The following ZFAT variants were observed in gnomAD, a reference collection of about 807,000 sequenced individuals.
ZFAT encodes zinc finger and AT-hook domain containing, also known as zinc finger protein ZFAT.
ZFAT carries 64 observed loss-of-function variants against 117.7 expected under a neutral mutation model. The ratio of observed to expected loss-of-function variants is 0.54; its 90% CI spans 0.44 to 0.67. The LOEUF (loss-of-function observed/expected upper bound fraction) is 0.67. ZFAT is among the 30% of genes least tolerant of loss of function. ZFAT has a pLI of 0.00. For missense variants in ZFAT, 1,433 were observed against 1,584.5 expected, an observed-to-expected ratio of 0.90 and a Z score of 1.62; for synonymous variants, 679 against 615.0, an observed-to-expected ratio of 1.10 and a Z score of -1.54.
rs752848073 is a variant in ZFAT, at chr8:134,649,165, T to TCACA, written c.196+8392_196+8395dup. On this transcript the variant is annotated intron_variant, in intron 2 of 15. Coordinates refer to ENST00000377838, the MANE Select transcript of ZFAT (RefSeq NM_020863.4). Reference sequence around the variant, plus strand: ...TAACCTAATGAAGAACATCTATCTCTCACACACACACACACACACACACAC... The same window carrying TCACA: ...TAACCTAATGAAGAACATCTATCTCTCACACACACACACACACACACACACACAC... Among the ~76,000 whole-genome samples, 107 of 77,052 alleles carry TCACA rather than the reference T, an allele frequency of 1.4e-3. 1 individual carries two copies. In the South Asian group the frequency reaches 0.016, roughly 12 times the overall value. 50.5% of individuals were successfully genotyped at this position (77,052 alleles called of 152,430 possible).
chr8:134,478,593 C>G lies in ZFAT; in HGVS notation c.3621G>C (p.Thr1207=), dbSNP rs61748832. 1 of 1,592,928 alleles carries G rather than the reference C, an allele frequency of 6.3e-7. No homozygotes were observed. Among genetic ancestry groups the G allele is most frequent in the Non-Finnish European group, 8.5e-7 (1 of 1,170,198 alleles). ...VSSDDVEGIE[T]VTVYTQGGEA... is the part of the protein sequence containing the mutation. ...CCCCGCCCTGCGTGTAGACAGTCAC[C>G]GTCTCAATGCCCTCCACGTCGTCGG... Residue 1207 remains threonine (T), a synonymous_variant, in exon 16 of 16, where the codon ACG becomes ACC. Transcript: ENST00000377838. The surrounding 1 kb of genome is among the most constrained non-coding windows in gnomAD (Gnocchi z 5.2).
the ZFAT span, among the ~76,000 whole-genome samples, chr8:134,763,660 G>A: frequency 6.6e-6 from 1 of 152,134 alleles, no homozygotes; most frequent in Non-Finnish European, 1.5e-5. Context: ...ATATCCTCGT[G>A]CCTAGAACAG....
intron 15 of ZFAT, among the ~76,000 whole-genome samples, chr8:134,480,212 T>G (rs971969001): frequency 6.6e-6 from 1 of 152,228 alleles, no homozygotes; most frequent in South Asian, 2.1e-4. Context: ...TCCACCCACC[T>G]TGGCCTCCCA....
chr8:134,590,992 T>G (rs1826462572), intron 7 of ZFAT, among the ~76,000 whole-genome samples: 1 of 152,166 alleles, frequency 6.6e-6, no homozygotes, highest in African/African-American at 2.4e-5. Context: ...GGGAATGGCA[T>G]CAGCTCCATT....
At chr8:134,591,891 C>T (rs141405058) in intron 7 of ZFAT, among the ~76,000 whole-genome samples, 1,584 of 152,318 alleles carry the variant, frequency 0.01, 12 homozygotes, top group Non-Finnish European at 0.017. Flanking sequence ...TTCTGCTCTC[C>T]AGGACAGTGT....
intron 2 of ZFAT, among the ~76,000 whole-genome samples, chr8:134,652,997 TAGAG>T (rs1831339276): frequency 6.6e-6 from 1 of 152,030 alleles, no homozygotes. Context: ...AGCACAAAAT[TAGAG>T]AGAAAACATA....
chr8:134,770,107 T>C, the ZFAT span, among the ~76,000 whole-genome samples: 46,559 of 152,134 alleles, frequency 0.31, 7,294 homozygotes, highest in South Asian at 0.34. Flanking sequence ...TTTTCCCCAT[T>C]GTCTTGGGGA....
the ZFAT span, among the ~76,000 whole-genome samples, chr8:134,724,342 G>C: frequency 6.6e-6 from 1 of 152,182 alleles, no homozygotes; most frequent in African/African-American, 2.4e-5. Flanking sequence ...GGTGACATTT[G>C]TCAATAGATA....
At chr8:134,702,688 T>G (rs1370464650) in intron 1 of ZFAT, among the ~76,000 whole-genome samples, 2 of 152,016 alleles carry the variant, frequency 1.3e-5, no homozygotes, top group Non-Finnish European at 2.9e-5. Flanking sequence ...TCTTTTTTTT[T>G]TGAGACAGAG....
the ZFAT span, among the ~76,000 whole-genome samples, chr8:134,764,088 A>C: frequency 6.6e-6 from 1 of 152,140 alleles, no homozygotes; most frequent in Non-Finnish European, 1.5e-5. Flanking sequence ...AATAATTCAC[A>C]CTTACAAGAT....
intron 1 of ZFAT, among the ~76,000 whole-genome samples, chr8:134,670,426 C>T (rs532105658): frequency 1.3e-5 from 2 of 152,360 alleles, no homozygotes; most frequent in African/African-American, 4.8e-5. Context: ...TGCAATCAAA[C>T]TAGAACTCAG....
rs1480554405 is a variant in ZFAT, at chr8:134,600,590, T to G, written c.2321A>C (p.Gln774Pro). Reference sequence around the variant, plus strand: ...TTTGGTGATGGAAGAATAATGACACTGAGAGCAATAATACAGATGTTCCCG... The same window carrying G: ...TTTGGTGATGGAAGAATAATGACACGGAGAGCAATAATACAGATGTTCCCG... ...HTREHLYYCS[Q>P]CHYSSITKNC... Residue 774 changes from glutamine to proline, a missense_variant, in exon 7 of 16, where the codon CAG becomes CCG. Physicochemically the swap from Gln to Pro is moderately conservative, Grantham distance 76. This residue lies in a region of ZFAT where 49 missense variants were observed against 81.5 expected (regional missense o/e 0.60). Coordinates refer to ENST00000377838, the MANE Select transcript of ZFAT (RefSeq NM_020863.4). 6.2e-7 allele frequency: 1 copy of G among 1,613,958 alleles called. No individual in the cohort carries two copies. Among genetic ancestry groups the G allele is most frequent in the East Asian group, 2.2e-5 (1 of 44,898 alleles).
At chr8:134,712,677 A>C (rs1305215036) in intron 1 of ZFAT, among the ~76,000 whole-genome samples, 168 bp downstream of exon 1, 1 of 147,104 alleles carries the variant, frequency 6.8e-6, no homozygotes. Context: ...GAGCCGCAGA[A>C]CGCAACTACG....
chr8:134,770,293 G>A, the ZFAT span, among the ~76,000 whole-genome samples: 1 of 152,172 alleles, frequency 6.6e-6, no homozygotes, highest in African/African-American at 2.4e-5. Flanking sequence ...CTTAAATGGA[G>A]GGACCGGCTG....
At chr8:134,578,211 G>A (rs986535832) in intron 10 of ZFAT, among the ~76,000 whole-genome samples, 19 of 152,002 alleles carry the variant, frequency 1.2e-4, no homozygotes, top group Non-Finnish European at 2.6e-4. Flanking sequence ...TCAGCAGTTC[G>A]AGACCAGACT....
chr8:134,547,544 G>C (rs371510194), intron 11 of ZFAT, among the ~76,000 whole-genome samples: 2 of 152,184 alleles, frequency 1.3e-5, no homozygotes, highest in African/African-American at 4.8e-5. Context: ...CTGCAGGTCA[G>C]AGTTAACACC....
chr8:134,814,039 G>A, the ZFAT span, among the ~76,000 whole-genome samples: 1 of 152,020 alleles, frequency 6.6e-6, no homozygotes, highest in Non-Finnish European at 1.5e-5. Context: ...AAACACACGT[G>A]CCCAAAGGAT....
chr8:134,574,271 T>C (rs1484221263), intron 10 of ZFAT, among the ~76,000 whole-genome samples: 1 of 151,998 alleles, frequency 6.6e-6, no homozygotes, highest in East Asian at 1.9e-4. Flanking sequence ...CCTCTGAAGC[T>C]CAGCTGCAAG....
the ZFAT span, chr8:134,785,288 T>C: frequency 1.3e-5 from 2 of 152,190 alleles, no homozygotes; most frequent in Non-Finnish European, 2.9e-5. Context: ...TGGTAGATAA[T>C]TGCAAGGTAA....
Sources: allele counts gnomAD v4.1 joint callset (sites outside exome capture counted in the v4.1 genomes callset), GRCh38; gene constraint gnomAD v4.1.1; regional missense constraint gnomAD v4.1.1; non-coding constraint Gnocchi (gnomAD v3.1); transcripts MANE v1.5; gene names NCBI Gene and HGNC (gene_info 2026-07-23, HGNC 2026-07-21).